The following CNBD1 variants were observed in gnomAD, a reference collection of about 807,000 sequenced individuals.
CNBD1 encodes the protein cyclic nucleotide-binding domain-containing protein 1.
Under a neutral mutation model 54.4 loss-of-function variants are expected in CNBD1, and 71 were observed. The observed-to-expected ratio is 1.30, with a 90% CI of 1.08 to 1.59. The LOEUF (loss-of-function observed/expected upper bound fraction) is 1.59. CNBD1 is among the 40% of genes most tolerant of loss of function. The pLI is 0.00. For synonymous variants in CNBD1, 182 were observed against 170.7 expected (o/e 1.07, Z -0.51); for missense variants, 659 against 518.0 (o/e 1.27, Z -2.64).
At chr8:86,958,578 G>T (rs59978274) in intron 4 of CNBD1, among the ~76,000 whole-genome samples, 4,038 of 152,106 alleles carry the variant, frequency 0.027, 192 homozygotes, top group African/African-American at 0.093. Flanking sequence ...TTTACCATTA[G>T]GTAACGGCCT....
At chr8:86,959,197 A>G (rs1019068603) in intron 4 of CNBD1, among the ~76,000 whole-genome samples, 2 of 151,816 alleles carry the variant, frequency 1.3e-5, no homozygotes, top group Non-Finnish European at 3.0e-5. Flanking sequence ...TATGGCTTGT[A>G]CAGTTTCTGC....
intron 5 of CNBD1, among the ~76,000 whole-genome samples, chr8:87,228,225 CCTT>C (rs1302267801): frequency 6.7e-6 from 1 of 149,862 alleles, no homozygotes; most frequent in African/African-American, 2.5e-5. Flanking sequence ...TCGTCTGAAG[CCTT>C]CTTCTCTCAG....
At chr8:87,261,869 G>A (rs1808145937) in intron 6 of CNBD1, among the ~76,000 whole-genome samples, 2 of 152,080 alleles carry the variant, frequency 1.3e-5, no homozygotes, top group Admixed American at 1.3e-4. Context: ...ACATAGGCCA[G>A]GTGCAGTGGC....
Position 86,870,189 on chromosome 8 carries a change from CTT to C in CNBD1, c.88+3620_88+3621del, listed in dbSNP as rs71275890. On this transcript the variant is annotated intron_variant, in intron 1 of 10. Transcript: ENST00000518476. ...AGAAATTTAGAAACAAGATAGTACTCTTTTTTTTTTTTTTTCTGAGACGGAAT... is the reference window on the plus strand; with the variant it reads ...AGAAATTTAGAAACAAGATAGTACTCTTTTTTTTTTTTTCTGAGACGGAAT... Among the ~76,000 whole-genome samples the C allele has an allele frequency of 6.0e-5, 6 of 100,618 alleles. 1 individual carries two copies. The highest frequency in any genetic ancestry group is 1.6e-4 in the African/African-American group (4 of 24,886). 66.0% of individuals were successfully genotyped at this position (100,618 alleles called of 152,430 possible).
chr8:87,117,862 AT>A (rs1811806151), intron 4 of CNBD1, among the ~76,000 whole-genome samples: 1 of 152,214 alleles, frequency 6.6e-6, no homozygotes, highest in Non-Finnish European at 1.5e-5. Flanking sequence ...CATTCTATTT[AT>A]TTAAAAATAT....
intron 3 of CNBD1, among the ~76,000 whole-genome samples, chr8:86,922,369 G>C (rs1809289060): frequency 6.6e-6 from 1 of 152,158 alleles, no homozygotes; most frequent in African/African-American, 2.4e-5. Context: ...AGGCGAGGGA[G>C]AAGTGGACAT....
chr8:87,107,626 T>A (rs1811569203), intron 4 of CNBD1, among the ~76,000 whole-genome samples: 1 of 152,250 alleles, frequency 6.6e-6, no homozygotes, highest in Non-Finnish European at 1.5e-5. Flanking sequence ...CTCTAGTATA[T>A]CCTTGTATCC....
chr8:87,078,179 T>C (rs1440377810), intron 4 of CNBD1, among the ~76,000 whole-genome samples: 1 of 152,188 alleles, frequency 6.6e-6, no homozygotes, highest in Non-Finnish European at 1.5e-5. Flanking sequence ...GAAGCAAGGA[T>C]TTTGAGGCAA....
At position 87,143,930 on chromosome 8, in the gene CNBD1, C is replaced by T. The variant is rs191210914; in HGVS notation, c.432-62063C>T. Among the ~76,000 whole-genome samples the T allele has an allele frequency of 3.2e-3, 488 of 152,148 alleles. 1 individual carries two copies. The highest frequency in any genetic ancestry group is 0.011 in the African/African-American group (472 of 41,504). Reference sequence around the variant, plus strand: ...CTGATAAAACAACTGTTAAAGGGTCCCTATGATAAAATAACACTGCGTCCT... The same window carrying T: ...CTGATAAAACAACTGTTAAAGGGTCTCTATGATAAAATAACACTGCGTCCT... On this transcript the variant is annotated intron_variant, in intron 4 of 10. Coordinates refer to ENST00000518476, the MANE Select transcript of CNBD1 (RefSeq NM_173538.3).
chr8:87,244,128 A>C (rs1807756708), intron 6 of CNBD1, among the ~76,000 whole-genome samples: 1 of 152,086 alleles, frequency 6.6e-6, no homozygotes. Flanking sequence ...TTAGGGAGAG[A>C]TGAGACATCA....
intron 10 of CNBD1, among the ~76,000 whole-genome samples, chr8:87,359,257 A>C (rs993168529): frequency 2.0e-5 from 3 of 146,726 alleles, no homozygotes; most frequent in Non-Finnish European, 4.4e-5. Flanking sequence ...TTTATTCCAT[A>C]GTCTGCATAC....
At chr8:87,044,896 G>T (rs1421620153) in intron 4 of CNBD1, among the ~76,000 whole-genome samples, 1 of 152,130 alleles carries the variant, frequency 6.6e-6, no homozygotes, top group East Asian at 1.9e-4. Flanking sequence ...TTTTCTTCAG[G>T]CTGCTGTATT....
At chr8:87,316,900 T>C (rs1173947045) in intron 8 of CNBD1, among the ~76,000 whole-genome samples, 1 of 151,732 alleles carries the variant, frequency 6.6e-6, no homozygotes, top group African/African-American at 2.4e-5. Context: ...AAATATTCAT[T>C]ATATAATGGA....
At chr8:87,334,256 T>G (rs1809895454) in intron 8 of CNBD1, among the ~76,000 whole-genome samples, 1 of 152,104 alleles carries the variant, frequency 6.6e-6, no homozygotes, top group African/African-American at 2.4e-5. Flanking sequence ...TTGTGTCTAT[T>G]TGATTCTTCT....
chr8:87,383,571 C>A (rs1443522304), downstream of CNBD1, among the ~76,000 whole-genome samples: 1 of 151,852 alleles, frequency 6.6e-6, no homozygotes, highest in Admixed American at 6.6e-5. Context: ...GCTGCCCATG[C>A]ATTTACATTT....
At chr8:87,265,959 T>C (rs542569921) in intron 6 of CNBD1, among the ~76,000 whole-genome samples, 1 of 152,192 alleles carries the variant, frequency 6.6e-6, no homozygotes, top group South Asian at 2.1e-4. Flanking sequence ...AGTTGGATAA[T>C]ATCATTAATT....
intron 10 of CNBD1, among the ~76,000 whole-genome samples, chr8:87,357,990 C>T (rs76157531): frequency 2.6e-5 from 4 of 152,126 alleles, no homozygotes; most frequent in Admixed American, 2.6e-4. Flanking sequence ...AGAAGCCTAG[C>T]AGCTCCTTTT....
intron 2 of CNBD1, among the ~76,000 whole-genome samples, chr8:87,412,119 T>A (rs1807756601): frequency 1.3e-5 from 2 of 152,056 alleles, no homozygotes; most frequent in African/African-American, 4.8e-5. Flanking sequence ...TTAAGGAACC[T>A]GAGTTTTTTT....
At chr8:87,098,017 A>G (rs1811353492) in intron 4 of CNBD1, among the ~76,000 whole-genome samples, 1 of 152,236 alleles carries the variant, frequency 6.6e-6, no homozygotes, top group African/African-American at 2.4e-5. Context: ...TAGGAAAAAA[A>G]CACTCATTTT....
Sources: gnomAD v4.1 joint callset for allele counts (sites outside exome capture counted in the v4.1 genomes callset) on GRCh38, gnomAD v4.1.1 for gene constraint, MANE v1.5 for transcripts, NCBI Gene and HGNC (gene_info 2026-07-23, HGNC 2026-07-21) for gene names.